Variants in RBFOX1 observed in about 807,000 individuals in gnomAD.
RBFOX1 encodes the protein RNA binding fox-1 homolog 1, also known as RNA binding protein fox-1 homolog 1.
A neutral mutation model predicts 57.7 loss-of-function variants in RBFOX1; 8 were observed. That is an observed-to-expected ratio of 0.14 (90% CI 0.08 to 0.25). The LOEUF (loss-of-function observed/expected upper bound fraction) is 0.25. Ranked by LOEUF, RBFOX1 falls within the 10% of genes least tolerant of loss-of-function variation. The probability of loss-of-function intolerance (pLI) is 1.00; values close to 1 mark genes in which losing one functional copy is unlikely to be tolerated. For missense variants in RBFOX1, 611 were observed against 548.5 expected, an observed-to-expected ratio of 1.11 and a Z score of -1.14; for synonymous variants, 326 against 222.4, an observed-to-expected ratio of 1.47 and a Z score of -4.15.
intron 15 of RBFOX1, chr16:7,709,378 C>A (rs751408985): frequency 1.7e-6 from 2 of 1,195,356 alleles, no homozygotes; most frequent in Non-Finnish European, 2.2e-6. Context: ...AGAGCACTTA[C>A]CTTAATGGAA....
At chr16:7,444,276 G>T (rs143301214) in intron 4 of RBFOX1, among the ~76,000 whole-genome samples, 1 of 152,144 alleles carries the variant, frequency 6.6e-6, no homozygotes, top group Non-Finnish European at 1.5e-5. Flanking sequence ...TCCAGAAAAC[G>T]TGGGTGTGGT....
intron 4 of RBFOX1, among the ~76,000 whole-genome samples, chr16:5,925,122 C>T (rs934738722): frequency 1.3e-4 from 20 of 152,170 alleles, no homozygotes; most frequent in African/African-American, 4.3e-4. Context: ...ATTATTGATC[C>T]TCAGATCCCG....
At chr16:5,725,835 C>G (rs2052131869) in intron 3 of RBFOX1, among the ~76,000 whole-genome samples, 2 of 151,956 alleles carry the variant, frequency 1.3e-5, no homozygotes, top group South Asian at 4.2e-4. Flanking sequence ...TCCGAGTTCT[C>G]TGCCTCTTGG....
intron 4 of RBFOX1, among the ~76,000 whole-genome samples, chr16:5,961,792 C>T (rs74361264): frequency 0.013 from 2,022 of 152,274 alleles, 34 homozygotes; most frequent in Non-Finnish European, 0.024. Context: ...CCTTCCAAAG[C>T]ACTGGGGTTG....
intron 3 of RBFOX1, among the ~76,000 whole-genome samples, chr16:6,833,575 C>G (rs890150790): frequency 6.6e-6 from 1 of 152,168 alleles, no homozygotes; most frequent in Non-Finnish European, 1.5e-5. Flanking sequence ...ATCATTTCCT[C>G]CACTGCACTT....
chr16:6,668,435 T>G (rs1229121848), intron 3 of RBFOX1, among the ~76,000 whole-genome samples: 1 of 152,212 alleles, frequency 6.6e-6, no homozygotes, highest in South Asian at 2.1e-4. Flanking sequence ...CCAAAGATGC[T>G]TCTGTTCTTA....
chr16:6,531,595 A>T (rs1004382237), intron 2 of RBFOX1, among the ~76,000 whole-genome samples: 1 of 152,184 alleles, frequency 6.6e-6, no homozygotes, highest in Non-Finnish European at 1.5e-5. Context: ...GGGTTTCAAT[A>T]AAAGTGGCCT....
At chr16:7,046,415 C>G (rs971330127) in intron 3 of RBFOX1, among the ~76,000 whole-genome samples, 1 of 152,072 alleles carries the variant, frequency 6.6e-6, no homozygotes, top group Admixed American at 6.6e-5. Context: ...ATGCAGAAAC[C>G]TTATCACCCA....
intron 3 of RBFOX1, among the ~76,000 whole-genome samples, chr16:6,859,137 ATACG>A (rs1215460246): frequency 1.8e-4 from 19 of 102,938 alleles, no homozygotes; most frequent in East Asian, 5.9e-4. Flanking sequence ...ATACATATAT[ATACG>A]TATATATATA....
intron 1 of RBFOX1, among the ~76,000 whole-genome samples, chr16:5,292,996 G>C (rs1485538093): frequency 6.6e-6 from 1 of 151,854 alleles, no homozygotes; most frequent in African/African-American, 2.4e-5. Context: ...GCAAAGGTTT[G>C]ATTTTCTGGA....
rs114785165 is a variant in RBFOX1 at position 5,571,066 on chromosome 16, G to A, written c.259-27836G>A. On this transcript the variant is annotated intron_variant, in intron 2 of 2. Transcript: ENST00000585867. ...CTGGTGAGATTTCTTTTCTTTAGTT[G>A]TTTTTGATGTCTGTTCACTGAAGAT... Among the ~76,000 whole-genome samples the A allele has an allele frequency of 6.2e-3, 939 of 152,004 alleles. 10 individuals are homozygous for A. Among genetic ancestry groups the A allele is most frequent in the African/African-American group, 0.021 (883 of 41,454 alleles).
intron 2 of RBFOX1, among the ~76,000 whole-genome samples, chr16:6,514,826 G>C (rs184708532): frequency 6.6e-6 from 1 of 152,000 alleles, no homozygotes; most frequent in East Asian, 1.9e-4. Context: ...TCATGGATCC[G>C]CCCTCCCTTG....
chr16:6,915,099 C>A (rs957492788), intron 3 of RBFOX1, among the ~76,000 whole-genome samples: 1 of 152,222 alleles, frequency 6.6e-6, no homozygotes, highest in Admixed American at 6.5e-5. Context: ...ACACTGAGAA[C>A]TGGCCTGCGG....
intron 3 of RBFOX1, among the ~76,000 whole-genome samples, chr16:7,015,974 T>C (rs376205530): frequency 1.3e-5 from 2 of 152,184 alleles, no homozygotes; most frequent in Non-Finnish European, 2.9e-5. Context: ...TTTGGTGTGA[T>C]AGGCAACACC....
chr16:5,880,093 G>C (rs951352261), intron 4 of RBFOX1, among the ~76,000 whole-genome samples: 1 of 152,176 alleles, frequency 6.6e-6, no homozygotes, highest in South Asian at 2.1e-4. Context: ...TCTCAGTTCT[G>C]TGCTTCACTG....
intron 2 of RBFOX1, among the ~76,000 whole-genome samples, chr16:6,593,714 T>G (rs1193882167): frequency 6.6e-6 from 1 of 152,202 alleles, no homozygotes; most frequent in African/African-American, 2.4e-5. Flanking sequence ...TTTTACTTCT[T>G]ATTTTACAGA....
chr16:6,021,729 G>C (rs1372005560), intron 1 of RBFOX1, among the ~76,000 whole-genome samples: 1 of 152,190 alleles, frequency 6.6e-6, no homozygotes, highest in African/African-American at 2.4e-5. Context: ...CAGGGCTTCT[G>C]GATCCGTTAT....
chr16:6,949,912 T>C (rs1419167256), intron 3 of RBFOX1, among the ~76,000 whole-genome samples: 1 of 151,232 alleles, frequency 6.6e-6, no homozygotes, highest in Non-Finnish European at 1.5e-5. Flanking sequence ...ATCCTCAGCG[T>C]AGGTAGCTCC....
At chr16:5,611,706 C>G (rs62016928) in intron 3 of RBFOX1, among the ~76,000 whole-genome samples, 1 of 84,334 alleles carries the variant, frequency 1.2e-5, no homozygotes, top group Non-Finnish European at 3.3e-5. Flanking sequence ...ACCCACTCTC[C>G]CATCCATCCA....
Sources: gnomAD v4.1 joint callset for allele counts (sites outside exome capture counted in the v4.1 genomes callset) on GRCh38, gnomAD v4.1.1 for gene constraint, MANE v1.5 for transcripts, NCBI Gene and HGNC (gene_info 2026-07-23, HGNC 2026-07-21) for gene names.